CCDC85A: variants seen among roughly 807,000 people sequenced by gnomAD.
CCDC85A encodes the protein coiled-coil domain-containing protein 85A.
A neutral mutation model predicts 50.2 loss-of-function variants in CCDC85A; 38 were observed. The ratio of observed to expected loss-of-function variants is 0.76; its 90% confidence interval spans 0.58 to 0.99. The LOEUF (loss-of-function observed/expected upper bound fraction) is 0.99. Among genes scored for constraint, CCDC85A ranks in the 50% least tolerant of loss-of-function variants. The pLI, the probability that CCDC85A is intolerant of heterozygous loss-of-function variation, is 0.00. For missense variants in CCDC85A, 820 were observed against 742.0 expected (o/e 1.11, Z -1.22); for synonymous variants, 366 against 301.4 (o/e 1.21, Z -2.22).
intron 2 of CCDC85A, among the ~76,000 whole-genome samples, chr2:56,276,628 C>T (rs1341418334): frequency 6.6e-6 from 1 of 152,142 alleles, no homozygotes; most frequent in Admixed American, 6.6e-5. Flanking sequence ...GATTGTGAGG[C>T]CTCCCCAGCC....
chr2:56,287,234 G>A (rs1671486897), intron 2 of CCDC85A, among the ~76,000 whole-genome samples: 1 of 152,144 alleles, frequency 6.6e-6, no homozygotes, highest in African/African-American at 2.4e-5. Flanking sequence ...ACTTCTAAGT[G>A]CCCTGTTTCC....
intron 2 of CCDC85A, among the ~76,000 whole-genome samples, chr2:56,323,908 A>G (rs748635233): frequency 1.2e-4 from 19 of 152,096 alleles, no homozygotes; most frequent in Admixed American, 2.0e-4. Context: ...TTTCAAGTGA[A>G]TTGTTATTTA....
chr2:56,185,392 G>T (rs1352142978), intron 1 of CCDC85A, among the ~76,000 whole-genome samples: 1 of 152,140 alleles, frequency 6.6e-6, no homozygotes, highest in Non-Finnish European at 1.5e-5. Flanking sequence ...GCGCCCGGGA[G>T]AAGCAGCGGG....
chr2:56,338,109 T>A (rs920994192), intron 2 of CCDC85A, among the ~76,000 whole-genome samples: 2 of 152,184 alleles, frequency 1.3e-5, no homozygotes, highest in Non-Finnish European at 2.9e-5. Context: ...TATATTTATG[T>A]ACTTTGTAGC....
intron 3 of CCDC85A, among the ~76,000 whole-genome samples, chr2:56,344,255 G>A (rs1401189033): frequency 6.6e-6 from 1 of 152,122 alleles, no homozygotes; most frequent in Non-Finnish European, 1.5e-5. Context: ...TATTAGTAAA[G>A]TACTATTAAA....
intron 2 of CCDC85A, among the ~76,000 whole-genome samples, chr2:56,237,620 G>A (rs1050684871): frequency 6.6e-6 from 1 of 152,124 alleles, no homozygotes. Flanking sequence ...GAACTTGAGA[G>A]GTTAAGAAAT....
At chr2:56,191,424 C>T (rs773946502) in intron 1 of CCDC85A, among the ~76,000 whole-genome samples, 2 of 152,162 alleles carry the variant, frequency 1.3e-5, no homozygotes, top group Admixed American at 6.5e-5. Context: ...AATCATCACT[C>T]ATGCAGGAGA....
chr2:56,382,724 C>T (rs554628027), intron 5 of CCDC85A, among the ~76,000 whole-genome samples: 1 of 152,092 alleles, frequency 6.6e-6, no homozygotes, highest in Non-Finnish European at 1.5e-5. Context: ...CCTTTCACCA[C>T]ATAGTTACAT....
chr2:56,240,358 AT>A (rs1461563476), intron 2 of CCDC85A, among the ~76,000 whole-genome samples: 1 of 152,170 alleles, frequency 6.6e-6, no homozygotes, highest in Non-Finnish European at 1.5e-5. Context: ...TCTAGAGGGT[AT>A]TTAAACCCCA....
At chr2:56,379,070 G>T (rs1676467899) in intron 5 of CCDC85A, among the ~76,000 whole-genome samples, 1 of 152,156 alleles carries the variant, frequency 6.6e-6, no homozygotes, top group Non-Finnish European at 1.5e-5. Flanking sequence ...TAGAGAAGTG[G>T]AAACATAGGC....
intron 3 of CCDC85A, among the ~76,000 whole-genome samples, chr2:56,347,285 C>T (rs1027200261): frequency 5.3e-5 from 8 of 152,124 alleles, no homozygotes; most frequent in African/African-American, 1.7e-4. Context: ...CAGTGAAGGC[C>T]GGGCTTCATA....
intron 2 of CCDC85A, among the ~76,000 whole-genome samples, chr2:56,322,858 G>C (rs1201527984): frequency 6.6e-6 from 1 of 152,062 alleles, no homozygotes; most frequent in Non-Finnish European, 1.5e-5. Flanking sequence ...TGTTTATTAT[G>C]GCACTATTCA....
intron 2 of CCDC85A, among the ~76,000 whole-genome samples, chr2:56,204,746 A>G (rs918230184): frequency 6.6e-6 from 1 of 152,196 alleles, no homozygotes; most frequent in Non-Finnish European, 1.5e-5. Context: ...AAAGTTCACC[A>G]TGCATGGCAT....
chr2:56,379,874 A>G, intron 5 of CCDC85A: 1 of 830,484 alleles, frequency 1.2e-6, no homozygotes, highest in Non-Finnish European at 1.5e-6. Flanking sequence ...TTTATTGTGT[A>G]TTCTGTGTTG....
chr2:56,214,057 C>T (rs1392636568), intron 2 of CCDC85A, among the ~76,000 whole-genome samples: 2 of 151,798 alleles, frequency 1.3e-5, no homozygotes, highest in African/African-American at 4.8e-5. Context: ...TGATCTTGAA[C>T]ATTTTACTGA....
At chr2:56,274,194 C>G (rs1382703498) in intron 2 of CCDC85A, among the ~76,000 whole-genome samples, 9 of 152,070 alleles carry the variant, frequency 5.9e-5, no homozygotes, top group African/African-American at 2.2e-4. Context: ...CAGTCACTGT[C>G]TATCCCATGT....
chr2:56,348,744 A>G (rs1674755710), intron 3 of CCDC85A, among the ~76,000 whole-genome samples: 1 of 152,192 alleles, frequency 6.6e-6, no homozygotes, highest in Non-Finnish European at 1.5e-5. Context: ...GTGCTTATGC[A>G]GAATTACTAG....
At chr2:56,359,935 CA>C (rs1675438335) in intron 3 of CCDC85A, among the ~76,000 whole-genome samples, 1 of 152,118 alleles carries the variant, frequency 6.6e-6, no homozygotes, top group Admixed American at 6.6e-5. Context: ...CAGAGGAGAA[CA>C]AAGGCTAGTT....
intron 2 of CCDC85A, among the ~76,000 whole-genome samples, chr2:56,218,364 G>A (rs1399030373): frequency 2.6e-5 from 4 of 151,730 alleles, no homozygotes; most frequent in East Asian, 3.9e-4. Flanking sequence ...ATAGTAATAG[G>A]TATACATTGT....
Sources: gnomAD v4.1 joint callset for allele counts (sites outside exome capture counted in the v4.1 genomes callset) on GRCh38, gnomAD v4.1.1 for gene constraint, MANE v1.5 for transcripts, NCBI Gene and HGNC (gene_info 2026-07-23, HGNC 2026-07-21) for gene names.